Variants in SLC9C2 observed in about 807,000 individuals in gnomAD.
SLC9C2 encodes sodium/hydrogen exchanger 11.
A neutral mutation model predicts 140.2 loss-of-function variants in SLC9C2; 75 were observed. That is an observed-to-expected ratio of 0.53 (90% CI 0.44 to 0.65). The LOEUF is 0.65. SLC9C2 is among the 30% of genes least tolerant of loss of function. The pLI is 0.00. For synonymous variants in SLC9C2, 375 were observed against 420.9 expected (o/e 0.89, Z 1.34); for missense variants, 1,074 against 1,331.8 (o/e 0.81, Z 3.01).
chr1:173,569,699 A>G (rs1371948542), intron 9 of SLC9C2, among the ~76,000 whole-genome samples: 1 of 151,946 alleles, frequency 6.6e-6, no homozygotes, highest in Non-Finnish European at 1.5e-5. Flanking sequence ...AAGCTGACTA[A>G]TTCTTTCTTC....
Position 173,598,001 on chromosome 1 carries a change from G to T in SLC9C2, c.260C>A (p.Thr87Lys), listed in dbSNP as rs1302556366. 2 of 1,595,922 alleles carry T rather than the reference G, an allele frequency of 1.3e-6. No individual in the cohort carries two copies. The highest frequency in any genetic ancestry group is 2.3e-5 in the East Asian group (1 of 44,430). ...VHQIVYPLLR[T>K]SSFSLYSYFS... ...GTAAGAATAAAGTGAAAAACTTGAT[G>T]TTCTTAGAAGAGGGTAGACAATTTG... The change falls in exon 4 of 28, where the codon ACA becomes AAA. Residue 87 changes from threonine (T) to lysine (K), a missense_variant. Transcript: ENST00000367714.
chr1:173,536,164 A>G (rs1661940455), intron 14 of SLC9C2, among the ~76,000 whole-genome samples: 1 of 151,128 alleles, frequency 6.6e-6, no homozygotes. Flanking sequence ...TCCTGACCAG[A>G]GGTTGAACAT....
Position 173,601,637 on chromosome 1 carries a change from A to G in SLC9C2, c.127+13T>C, listed in dbSNP as rs1204172314. ...GGGCAGAGGAAAGATGAGTTTCAAA[A>G]ACAACCACCTACCTCCCAAAACAAC... On this transcript the variant is annotated intron_variant, in intron 2 of 27. Transcript: ENST00000367714. 3 of 1,611,996 alleles carry G rather than the reference A, an allele frequency of 1.9e-6. No homozygotes were observed. The highest frequency in any genetic ancestry group is 1.3e-5 in the African/African-American group (1 of 74,826).
At chr1:173,523,059 T>C (rs907933294) in intron 21 of SLC9C2, among the ~76,000 whole-genome samples, 4 of 152,196 alleles carry the variant, frequency 2.6e-5, no homozygotes, top group African/African-American at 9.7e-5. Context: ...TCTCCATCCA[T>C]ACACTAAAAG....
chr1:173,555,021 A>G (rs1258902530), intron 10 of SLC9C2, among the ~76,000 whole-genome samples: 1 of 152,234 alleles, frequency 6.6e-6, no homozygotes, highest in African/African-American at 2.4e-5. Context: ...TTAATTTTCA[A>G]TCTGAATGAG....
intron 13 of SLC9C2, among the ~76,000 whole-genome samples, chr1:173,538,177 G>T (rs1273400154): frequency 6.6e-6 from 1 of 152,162 alleles, no homozygotes; most frequent in Non-Finnish European, 1.5e-5. Context: ...ACGGTATGGG[G>T]CAATGGCCAG....
At chr1:173,525,849 G>A (rs1177626128) in intron 19 of SLC9C2, among the ~76,000 whole-genome samples, 1 of 152,144 alleles carries the variant, frequency 6.6e-6, no homozygotes, top group Non-Finnish European at 1.5e-5. Flanking sequence ...ATAAAAATCT[G>A]TCAACATATA....
At chr1:173,515,018 T>G (rs1214539546) in intron 23 of SLC9C2, among the ~76,000 whole-genome samples, 3 of 152,128 alleles carry the variant, frequency 2.0e-5, no homozygotes, top group African/African-American at 7.2e-5. Context: ...GGCGGAGAGG[T>G]CCACTGTTAG....
intron 23 of SLC9C2, among the ~76,000 whole-genome samples, chr1:173,511,202 T>C (rs1355913500): frequency 6.6e-6 from 1 of 151,922 alleles, no homozygotes; most frequent in African/African-American, 2.4e-5. Context: ...CAGCTAGTTT[T>C]TGTATTTTTA....
intron 4 of SLC9C2, among the ~76,000 whole-genome samples, chr1:173,593,192 T>C (rs1466373372): frequency 2.0e-5 from 3 of 152,064 alleles, no homozygotes; most frequent in African/African-American, 7.2e-5. Flanking sequence ...AATAAACAGC[T>C]AACAACACAA....
intron 23 of SLC9C2, among the ~76,000 whole-genome samples, chr1:173,512,131 G>T (rs1223973234): frequency 1.3e-5 from 2 of 152,130 alleles, no homozygotes; most frequent in African/African-American, 4.8e-5. Context: ...TCTTGTCTAT[G>T]TGGGCTCTTT....
At position 173,601,812 on chromosome 1, in the gene SLC9C2, G is replaced by A; in HGVS notation, c.-36C>T. 1.9e-6 allele frequency: 3 copies of A among 1,611,630 alleles called. No individual in the cohort carries two copies. Among genetic ancestry groups the A allele is most frequent in the Non-Finnish European group, 2.5e-6 (3 of 1,178,916 alleles). On this transcript the variant is annotated 5_prime_UTR_variant, in exon 2 of 28. Transcript: ENST00000367714. ...GCTTTTCCCCAGACCTAACTTGATG[G>A]AGTGGTTTGGTTATTATTGACACTT...
intron 25 of SLC9C2, among the ~76,000 whole-genome samples, chr1:173,506,215 A>G (rs1267413694): frequency 2.0e-5 from 3 of 152,234 alleles, no homozygotes; most frequent in Non-Finnish European, 4.4e-5. Flanking sequence ...GGTCTCTCCC[A>G]TAAGGTAGAA....
chr1:173,554,105 A>C (rs1479227164), intron 11 of SLC9C2, among the ~76,000 whole-genome samples: 2 of 152,224 alleles, frequency 1.3e-5, no homozygotes, highest in Non-Finnish European at 2.9e-5. Context: ...ACTGTGGCAG[A>C]GCCTGCTGTT....
chr1:173,542,107 G>T (rs770716199), intron 13 of SLC9C2, among the ~76,000 whole-genome samples: 1 of 151,894 alleles, frequency 6.6e-6, no homozygotes, highest in Non-Finnish European at 1.5e-5. Flanking sequence ...TTGATAGACC[G>T]CTAGCAAGAC....
chr1:173,512,318 CTT>C (rs1038654100), intron 23 of SLC9C2, among the ~76,000 whole-genome samples: 3 of 152,120 alleles, frequency 2.0e-5, no homozygotes, highest in Non-Finnish European at 4.4e-5. Flanking sequence ...TGTGTCCCCT[CTT>C]ATTTCCTTGA....
intron 27 of SLC9C2, among the ~76,000 whole-genome samples, chr1:173,502,011 C>T (rs927368724): frequency 1.3e-5 from 2 of 152,054 alleles, no homozygotes; most frequent in African/African-American, 4.8e-5. Context: ...CGGTGGCTCA[C>T]GCCTGTAATC....
Position 173,507,169 on chromosome 1 carries a change from C to A in SLC9C2, c.3040-128G>T, listed in dbSNP as rs981026563. The A allele has an allele frequency of 8.4e-6, 6 of 713,444 alleles. No homozygotes were observed. In the Admixed American group the frequency reaches 8.7e-5, roughly 10 times the overall value. The allele number at this position is 713,444 out of a possible 1,614,324, so 44.2% of individuals were successfully genotyped here. ...GAAGGTACACAGCCCCTGGCACCAA[C>A]AGACAGGATTTATTTAGCATTCAGA... On this transcript the variant is annotated intron_variant, in intron 24 of 27. Transcript: ENST00000367714.
intron 26 of SLC9C2, among the ~76,000 whole-genome samples, chr1:173,504,346 A>C (rs1053415455): frequency 1.3e-5 from 2 of 152,148 alleles, no homozygotes; most frequent in African/African-American, 4.8e-5. Flanking sequence ...TCACTCACCA[A>C]TTGGCACTTG....
Sources: allele counts gnomAD v4.1 joint callset (sites outside exome capture counted in the v4.1 genomes callset), GRCh38; gene constraint gnomAD v4.1.1; transcripts MANE v1.5; gene names NCBI Gene and HGNC (gene_info 2026-07-23, HGNC 2026-07-21).